Variants in THSD7A observed in about 807,000 individuals in gnomAD.
THSD7A encodes the protein thrombospondin type 1 domain containing 7A, also known as thrombospondin type-1 domain-containing protein 7A.
THSD7A carries 96 observed loss-of-function variants against 231.3 expected under a neutral mutation model. That is an observed-to-expected ratio of 0.41 (90% CI 0.35 to 0.49). The LOEUF (loss-of-function observed/expected upper bound fraction) is 0.49. THSD7A is among the 20% of genes least tolerant of loss of function. THSD7A has a pLI of 0.05. For synonymous variants in THSD7A, 940 were observed against 743.3 expected (o/e 1.26, Z -4.30); for missense variants, 2,290 against 2,070.2 (o/e 1.11, Z -2.06).
Position 11,810,418 on chromosome 7 carries a change from C to T in THSD7A, c.190+21339G>A, listed in dbSNP as rs941202601. On this transcript the variant is annotated intron_variant, in intron 1 of 27. Transcript: ENST00000423059. ...GGTCACTCCCCTTCACTGATAGCCCCGATTACACTGATTACAATTGCTATG... is the reference window on the plus strand; with the variant it reads ...GGTCACTCCCCTTCACTGATAGCCCTGATTACACTGATTACAATTGCTATG... Among the ~76,000 whole-genome samples the T allele has an allele frequency of 6.6e-5, 10 of 152,080 alleles. No individual in the cohort carries two copies. The South Asian group carries it at 8.3e-4, about 13-fold the overall frequency.
chr7:11,722,801 G>A (rs890269665), intron 1 of THSD7A, among the ~76,000 whole-genome samples: 27 of 151,972 alleles, frequency 1.8e-4, no homozygotes, highest in African/African-American at 6.0e-4. Context: ...CAGTTAGAAT[G>A]GCGATCATTA....
chr7:11,704,863 T>G (rs1480683400), intron 1 of THSD7A, among the ~76,000 whole-genome samples: 1 of 151,088 alleles, frequency 6.6e-6, no homozygotes, highest in African/African-American at 2.4e-5. Context: ...AATCGTATGA[T>G]GTGGCACCAT....
intron 4 of THSD7A, among the ~76,000 whole-genome samples, chr7:11,580,152 A>T (rs1001893648): frequency 6.6e-5 from 10 of 152,222 alleles, no homozygotes; most frequent in Non-Finnish European, 5.9e-5. Flanking sequence ...ATTATAATCA[A>T]TGACAATCCT....
At chr7:11,594,861 ACCAGG>A (rs1352082244) in intron 2 of THSD7A, among the ~76,000 whole-genome samples, 9 of 152,338 alleles carry the variant, frequency 5.9e-5, no homozygotes, top group Non-Finnish European at 7.3e-5. Context: ...GCACAGCCTC[ACCAGG>A]TGTCTACTGT....
chr7:11,480,876 T>A (rs1253857323), intron 7 of THSD7A, among the ~76,000 whole-genome samples: 1 of 152,154 alleles, frequency 6.6e-6, no homozygotes, highest in African/African-American at 2.4e-5. Flanking sequence ...AAACATAAAA[T>A]GTTATGCTTA....
chr7:11,376,623 T>C lies in THSD7A; in HGVS notation c.4836A>G (p.Ala1612=). The C allele has an allele frequency of 6.3e-7, 1 of 1,588,004 alleles. No individual in the cohort carries two copies. The highest frequency in any genetic ancestry group is 8.6e-7 in the Non-Finnish European group (1 of 1,166,330). ...AGATGAGTAACACAAATGCCCCAGC[T>C]GCTACACCGTAAACCCAGGTCTTTA... is the stretch of plus-strand genomic sequence containing the variant. ...GRLKTWVYGV[A]AGAFVLLIFI... Residue 1612 remains alanine (A), a synonymous_variant, in exon 27 of 28, where the codon GCA becomes GCG. Coordinates refer to ENST00000423059, the MANE Select transcript of THSD7A (RefSeq NM_015204.3).
At chr7:11,802,556 A>G (rs1404292560) in intron 1 of THSD7A, among the ~76,000 whole-genome samples, 2 of 152,290 alleles carry the variant, frequency 1.3e-5, no homozygotes, top group East Asian at 3.9e-4. Context: ...ACAGAGAAGG[A>G]TAGAGAGACA....
chr7:11,789,548 C>G (rs768765356), intron 1 of THSD7A, among the ~76,000 whole-genome samples: 9 of 143,568 alleles, frequency 6.3e-5, no homozygotes, highest in Non-Finnish European at 1.1e-4. Context: ...ATGTTTTTGC[C>G]CATTTATTTG....
chr7:11,579,438 A>G (rs1396812025), intron 4 of THSD7A, among the ~76,000 whole-genome samples: 1 of 152,198 alleles, frequency 6.6e-6, no homozygotes, highest in Non-Finnish European at 1.5e-5. Context: ...TCCTGGCGCT[A>G]TCATTCATCT....
At chr7:11,577,292 A>G (rs1790955930) in intron 4 of THSD7A, among the ~76,000 whole-genome samples, 1 of 152,022 alleles carries the variant, frequency 6.6e-6, no homozygotes, top group Admixed American at 6.6e-5. Flanking sequence ...ATAAAACAAT[A>G]GAAGTGTTTT....
chr7:11,617,021 A>G (rs1183694327), intron 2 of THSD7A, among the ~76,000 whole-genome samples: 1 of 152,234 alleles, frequency 6.6e-6, no homozygotes, highest in East Asian at 1.9e-4. Flanking sequence ...AAAACATATC[A>G]CAGTGATGCT....
chr7:11,751,317 G>A (rs2128164856), intron 1 of THSD7A: 1 of 149,494 alleles, frequency 6.7e-6, no homozygotes, highest in South Asian at 2.1e-4. Flanking sequence ...GAGGGCAATG[G>A]CTTTTCTATT....
At chr7:11,497,855 A>T (rs1348477425) in intron 6 of THSD7A, among the ~76,000 whole-genome samples, 1 of 152,154 alleles carries the variant, frequency 6.6e-6, no homozygotes, top group Non-Finnish European at 1.5e-5. Flanking sequence ...TGGGAGCAAC[A>T]TGGAGCCAGG....
Position 11,428,347 on chromosome 7 carries a change from G to A in THSD7A, c.3243+600C>T, listed in dbSNP as rs141735665. Among the ~76,000 whole-genome samples, 105 of 152,114 alleles carry A rather than the reference G, an allele frequency of 6.9e-4. 1 individual carries two copies. Among genetic ancestry groups the A allele is most frequent in the African/African-American group, 2.4e-3 (101 of 41,508 alleles). ...CTTTTTATCTCTAATAGAACAGAACGACAACTATTAACAGCAGGTAAGAAA... is the reference window on the plus strand; with the variant it reads ...CTTTTTATCTCTAATAGAACAGAACAACAACTATTAACAGCAGGTAAGAAA... On this transcript the variant is annotated intron_variant, in intron 14 of 27. Coordinates refer to ENST00000423059, the MANE Select transcript of THSD7A (RefSeq NM_015204.3).
At chr7:11,505,916 G>A (rs539604004) in intron 6 of THSD7A, among the ~76,000 whole-genome samples, 5 of 152,256 alleles carry the variant, frequency 3.3e-5, no homozygotes, top group Middle Eastern at 3.4e-3. Flanking sequence ...CTGGACTTGC[G>A]GGATGGGGAA....
chr7:11,721,364 G>T (rs140073988), intron 1 of THSD7A, among the ~76,000 whole-genome samples: 24 of 151,886 alleles, frequency 1.6e-4, no homozygotes, highest in African/African-American at 5.8e-4. Flanking sequence ...GAGTTCTCAT[G>T]AAATCTAGCT....
At chr7:11,757,891 G>A (rs1782734912) in intron 1 of THSD7A, among the ~76,000 whole-genome samples, 1 of 150,872 alleles carries the variant, frequency 6.6e-6, no homozygotes, top group East Asian at 1.9e-4. Context: ...CTGGAACATA[G>A]GCTTAATTAA....
At chr7:11,724,912 G>T (rs995073719) in intron 1 of THSD7A, among the ~76,000 whole-genome samples, 7 of 151,702 alleles carry the variant, frequency 4.6e-5, no homozygotes, top group African/African-American at 1.7e-4. Context: ...TCAAACCAGG[G>T]AACTAACCTC....
intron 13 of THSD7A, among the ~76,000 whole-genome samples, chr7:11,432,951 A>T (rs1377909735): frequency 6.6e-6 from 1 of 152,074 alleles, no homozygotes; most frequent in African/African-American, 2.4e-5. Flanking sequence ...TACAATGAAA[A>T]GTTCTGAAAG....
Sources: allele counts gnomAD v4.1 joint callset (sites outside exome capture counted in the v4.1 genomes callset), GRCh38; gene constraint gnomAD v4.1.1; transcripts MANE v1.5; gene names NCBI Gene and HGNC (gene_info 2026-07-23, HGNC 2026-07-21).